The following SETBP1 variants were observed in gnomAD, a reference collection of about 807,000 sequenced individuals.
The protein encoded by SETBP1 is SET binding protein 1.
In SETBP1, 9 loss-of-function variants were observed where a neutral mutation model predicts 101.0. The ratio of observed to expected loss-of-function variants is 0.09; its 90% confidence interval spans 0.05 to 0.16. The LOEUF is 0.16. Among genes scored for constraint, SETBP1 ranks in the 10% least tolerant of loss-of-function variants. The pLI is 1.00. For missense variants in SETBP1, 1,858 were observed against 2,033.8 expected (o/e 0.91, Z 1.66); for synonymous variants, 818 against 788.5 (o/e 1.04, Z -0.63).
chr18:44,798,106 T>C (rs1233205408), intron 2 of SETBP1, among the ~76,000 whole-genome samples: 3 of 152,214 alleles, frequency 2.0e-5, no homozygotes, highest in Admixed American at 6.5e-5. Flanking sequence ...CAAAGTGTTA[T>C]ATGCAACATC....
At chr18:44,938,881 G>T (rs1361835533) in intron 3 of SETBP1, among the ~76,000 whole-genome samples, 1 of 152,078 alleles carries the variant, frequency 6.6e-6, no homozygotes, top group Non-Finnish European at 1.5e-5. Context: ...GAAATAGTGA[G>T]TGGCTTGCGG....
At chr18:44,963,054 A>G (rs1338699536) in intron 4 of SETBP1, among the ~76,000 whole-genome samples, 3 of 152,226 alleles carry the variant, frequency 2.0e-5, no homozygotes, top group Admixed American at 6.5e-5. Context: ...CTCGACAGCC[A>G]AGGAAATCAA....
intron 3 of SETBP1, among the ~76,000 whole-genome samples, chr18:44,903,245 A>G (rs1483936996): frequency 6.6e-6 from 1 of 152,100 alleles, no homozygotes; most frequent in African/African-American, 2.4e-5. Flanking sequence ...TTAGGTATAA[A>G]ATAAAGCTCT....
intron 2 of SETBP1, among the ~76,000 whole-genome samples, chr18:44,858,126 A>C (rs192247089): frequency 4.2e-4 from 64 of 152,306 alleles, no homozygotes; most frequent in East Asian, 3.9e-4. Flanking sequence ...ACTTCCTTGG[A>C]AGTTGTCATG....
At chr18:44,742,594 A>G (rs549043305) in intron 2 of SETBP1, among the ~76,000 whole-genome samples, 26 of 152,326 alleles carry the variant, frequency 1.7e-4, no homozygotes, top group African/African-American at 5.8e-4. Context: ...AATCCCTACC[A>G]GAAGATTTGG....
chr18:44,744,807 G>T (rs1024557981), intron 2 of SETBP1, among the ~76,000 whole-genome samples: 2 of 151,644 alleles, frequency 1.3e-5, no homozygotes, highest in Middle Eastern at 3.2e-3. Flanking sequence ...CTTTCTTCGT[G>T]CTTGCTTTCA....
At chr18:44,855,615 A>T (rs187511696) in intron 2 of SETBP1, among the ~76,000 whole-genome samples, 3 of 152,238 alleles carry the variant, frequency 2.0e-5, no homozygotes, top group African/African-American at 4.8e-5. Flanking sequence ...CCAACTCTGC[A>T]ATCAGTGACT....
intron 2 of SETBP1, among the ~76,000 whole-genome samples, chr18:44,832,766 G>C (rs1292119180): frequency 6.6e-6 from 1 of 152,148 alleles, no homozygotes. Context: ...GGGCCCTGCT[G>C]GTCCCTGAAT....
At chr18:44,687,778 G>A (rs541166714) in intron 1 of SETBP1, among the ~76,000 whole-genome samples, 84 of 152,064 alleles carry the variant, frequency 5.5e-4, no homozygotes, top group African/African-American at 1.7e-3. Context: ...CTCATGTCAT[G>A]GATCTAGTGG....
intron 3 of SETBP1, among the ~76,000 whole-genome samples, chr18:44,944,101 T>G (rs1394703437): frequency 6.6e-6 from 1 of 152,170 alleles, no homozygotes; most frequent in African/African-American, 2.4e-5. Flanking sequence ...CCCAAAGTGC[T>G]GGGATTACAC....
At chr18:44,822,616 C>A (rs892944693) in intron 2 of SETBP1, among the ~76,000 whole-genome samples, 1 of 152,208 alleles carries the variant, frequency 6.6e-6, no homozygotes, top group African/African-American at 2.4e-5. Context: ...TCTGCTAACC[C>A]TATTCACCAA....
At chr18:44,689,103 T>C (rs914689135) in intron 1 of SETBP1, among the ~76,000 whole-genome samples, 1 of 152,170 alleles carries the variant, frequency 6.6e-6, no homozygotes, top group South Asian at 2.1e-4. Context: ...GCCTAGGGTA[T>C]AGTCAGGGAA....
At chr18:44,766,895 A>G (rs986280653) in intron 2 of SETBP1, among the ~76,000 whole-genome samples, 2 of 152,248 alleles carry the variant, frequency 1.3e-5, no homozygotes, top group African/African-American at 4.8e-5. Flanking sequence ...AATAATCTCT[A>G]AAAACTTATA....
chr18:45,004,988 G>A (rs993564150), intron 4 of SETBP1, among the ~76,000 whole-genome samples: 5 of 152,206 alleles, frequency 3.3e-5, no homozygotes, highest in African/African-American at 1.2e-4. Context: ...TTCATGGGAT[G>A]TGATTGTTAT....
At chr18:44,802,168 A>C (rs2071620721) in intron 2 of SETBP1, among the ~76,000 whole-genome samples, 2 of 152,126 alleles carry the variant, frequency 1.3e-5, no homozygotes. Flanking sequence ...TTTTTGCATC[A>C]ATGTCACTGG....
chr18:44,879,847 C>T (rs1171957415), intron 3 of SETBP1, among the ~76,000 whole-genome samples: 2 of 152,188 alleles, frequency 1.3e-5, no homozygotes, highest in Non-Finnish European at 2.9e-5. Context: ...CTTCTCTTCC[C>T]ACCTACAGCA....
intron 2 of SETBP1, among the ~76,000 whole-genome samples, chr18:44,810,442 T>A (rs1408179065): frequency 1.3e-5 from 2 of 152,228 alleles, no homozygotes; most frequent in Admixed American, 6.5e-5. Flanking sequence ...CAGTATTGGC[T>A]GAAAGCAAAA....
At chr18:45,035,412 A>C (rs538044671) in intron 4 of SETBP1, among the ~76,000 whole-genome samples, 232 of 152,324 alleles carry the variant, frequency 1.5e-3, no homozygotes, top group Middle Eastern at 0.014. Context: ...AAATTATAGA[A>C]TGTTTTAAAT....
chr18:44,811,948 CA>C (rs1460661989), intron 2 of SETBP1, among the ~76,000 whole-genome samples: 1 of 152,194 alleles, frequency 6.6e-6, no homozygotes, highest in Non-Finnish European at 1.5e-5. Flanking sequence ...ACAGCTGATT[CA>C]CCAGAGAATA....
Sources: allele counts gnomAD v4.1 joint callset (sites outside exome capture counted in the v4.1 genomes callset), GRCh38; gene constraint gnomAD v4.1.1; transcripts MANE v1.5; gene names NCBI Gene and HGNC (gene_info 2026-07-23, HGNC 2026-07-21).